Variants in ADAMTS13 observed in about 807,000 individuals in gnomAD.
ADAMTS13 encodes the protein A disintegrin and metalloproteinase with thrombospondin motifs 13.
A neutral mutation model predicts 155.1 loss-of-function variants in ADAMTS13; 110 were observed. The ratio of observed to expected loss-of-function variants is 0.71; its 90% CI spans 0.61 to 0.83. The LOEUF is 0.83. Among genes scored for constraint, ADAMTS13 ranks in the 40% least tolerant of loss-of-function variants. The pLI is 0.00. For missense variants in ADAMTS13, 1,707 were observed against 1,891.7 expected, an observed-to-expected ratio of 0.90 and a Z score of 1.81; for synonymous variants, 758 against 756.4, an observed-to-expected ratio of 1.00 and a Z score of -0.03.
In ADAMTS13 at chr9:133,431,276, C is replaced by A. The variant is rs587700737; in HGVS notation, c.987+1175C>A. Among the ~76,000 whole-genome samples the A allele has an allele frequency of 2.6e-5, 4 of 151,936 alleles. No individual in the cohort carries two copies. In the South Asian group the frequency reaches 8.3e-4, roughly 32 times the overall value. On this transcript the variant is annotated intron_variant, in intron 8 of 28. Coordinates refer to ENST00000355699, the MANE Select transcript of ADAMTS13 (RefSeq NM_139027.6). ...CACCACCCACGCCTGATCAGCAAAT[C>A]TATTAATATTATATATTACAACATT...
In ADAMTS13 at chr9:133,456,351, G is replaced by A. The variant is rs1842742334; in HGVS notation, c.3547+136G>A. The A allele has an allele frequency of 9.6e-6, 14 of 1,457,186 alleles. No homozygotes were observed. The highest frequency in any genetic ancestry group is 1.3e-5 in the Non-Finnish European group (14 of 1,065,312). 90.3% of individuals were successfully genotyped at this position (1,457,186 alleles called of 1,614,324 possible). A position where few individuals can be genotyped will look rare whatever the true frequency, so the allele number is the denominator to read the frequency against. On this transcript the variant is annotated intron_variant, in intron 26 of 28. Coordinates refer to ENST00000355699, the MANE Select transcript of ADAMTS13 (RefSeq NM_139027.6). This position sits in a 1 kb window ranked among gnomAD's most constrained non-coding sequence, Gnocchi z 4.4. ...GTTTGCATCCCATCTCATGACTGGG[G>A]AGTGATGATCTGCATTTTACAGATG...
At chr9:133,428,507 G>C (rs1412491549) in intron 6 of ADAMTS13, 127 bp from the exon 7 acceptor site, 6 of 494,584 alleles carry the variant, frequency 1.2e-5, no homozygotes, top group Non-Finnish European at 1.5e-5. Context: ...GTCGACCCGG[G>C]TCGGAAAACT....
At chr9:133,415,736 T>G (rs587709698) in intron 1 of ADAMTS13, 11 of 152,346 alleles carry the variant, frequency 7.2e-5, no homozygotes, top group African/African-American at 2.6e-4. Context: ...AGTTTCCCTA[T>G]AGCACACATC....
chr9:133,425,358 G>A lies in ADAMTS13; in HGVS notation c.331-171G>A, dbSNP rs1318076850. On this transcript the variant is annotated intron_variant, in intron 3 of 28. Transcript: ENST00000355699. The surrounding 1 kb of genome is among the most constrained non-coding windows in gnomAD (Gnocchi z 4.6). Reference sequence around the variant, plus strand: ...ATGAGCTGAGGAGCAACAGAGGCACGGCTGACTGTGCAGCACATTTTAGGA... The same window carrying A: ...ATGAGCTGAGGAGCAACAGAGGCACAGCTGACTGTGCAGCACATTTTAGGA... Among the ~76,000 whole-genome samples the A allele has an allele frequency of 1.3e-5, 2 of 152,170 alleles. No homozygotes were observed. Among genetic ancestry groups the A allele is most frequent in the South Asian group, 2.1e-4 (1 of 4,826 alleles).
Position 133,443,614 on chromosome 9 carries a change from C to A in ADAMTS13, c.2420+53C>A. The A allele has an allele frequency of 2.0e-6, 3 of 1,475,920 alleles. No homozygotes were observed. In the South Asian group the frequency reaches 3.9e-5, roughly 19 times the overall value. 91.4% of individuals were successfully genotyped at this position (1,475,920 alleles called of 1,614,324 possible). A position where few individuals can be genotyped will look rare whatever the true frequency, so the allele number is the denominator to read the frequency against. On this transcript the variant is annotated intron_variant, in intron 19 of 28. Transcript: ENST00000355699. ...AGAGGGCCTTCCTGGCAGAGCTCGT[C>A]CCTGCGCTGAGCCCCCATCCTTCTG...
Position 133,424,637 on chromosome 9 carries a change from G to A in ADAMTS13, c.330+159G>A, listed in dbSNP as rs951270346. On this transcript the variant is annotated intron_variant, in intron 3 of 28. Coordinates refer to ENST00000355699, the MANE Select transcript of ADAMTS13 (RefSeq NM_139027.6). This position sits in a 1 kb window ranked among gnomAD's most constrained non-coding sequence, Gnocchi z 4.3. The stretch of plus-strand genomic sequence containing the variant: ...TCCCTCCCTCCCCTGGGTGGAGGTG[G>A]GTGAGGTCCCACACCCTCTCTAGGC... 6.6e-6 allele frequency among the ~76,000 whole-genome samples: 1 copy of A among 151,968 alleles called. No individual in the cohort carries two copies. Among genetic ancestry groups the A allele is most frequent in the African/African-American group, 2.4e-5 (1 of 41,324 alleles).
intron 11 of ADAMTS13, among the ~76,000 whole-genome samples, chr9:133,435,222 C>G (rs1554788623): frequency 2.8e-5 from 4 of 144,808 alleles, no homozygotes; most frequent in African/African-American, 1.0e-4. Flanking sequence ...GAGTCTTGCT[C>G]TGTCGCCAGG....
intron 22 of ADAMTS13, among the ~76,000 whole-genome samples, chr9:133,449,547 G>A (rs977893624): frequency 6.6e-5 from 10 of 152,152 alleles, no homozygotes; most frequent in Non-Finnish European, 1.3e-4. Flanking sequence ...TCTGGGATAC[G>A]ACATCTGTCG....
At position 133,424,208 on chromosome 9, in the gene ADAMTS13, A is replaced by G. The variant is rs587759023; in HGVS notation, c.173-113A>G. 8 of 1,531,384 alleles carry G rather than the reference A, an allele frequency of 5.2e-6. No homozygotes were observed. Among genetic ancestry groups the G allele is most frequent in the African/African-American group, 1.4e-5 (1 of 73,630 alleles). The allele number at this position is 1,531,384 out of a possible 1,614,324, so 94.9% of individuals were successfully genotyped here. A position where few individuals can be genotyped will look rare whatever the true frequency, so the allele number is the denominator to read the frequency against. On this transcript the variant is annotated intron_variant, in intron 2 of 28. Coordinates refer to ENST00000355699, the MANE Select transcript of ADAMTS13 (RefSeq NM_139027.6). This position sits in a 1 kb window ranked among gnomAD's most constrained non-coding sequence, Gnocchi z 4.3. ...GCTCTTGGGGTGGGGGTGACACGCA[A>G]TGTCTTGACTTCGGAAGGCCATCCT...
chr9:133,445,069 T>C lies in ADAMTS13; in HGVS notation c.2610+17T>C, dbSNP rs782114946. ...TGGGGCCATGTGAGTGCCCTGGGCATGAGGGTGGCTGGGGCTGTTGAGTCC... is the reference window on the plus strand; with the variant it reads ...TGGGGCCATGTGAGTGCCCTGGGCACGAGGGTGGCTGGGGCTGTTGAGTCC... On this transcript the variant is annotated intron_variant, in intron 20 of 28. Transcript: ENST00000355699. This position sits in a 1 kb window ranked among gnomAD's most constrained non-coding sequence, Gnocchi z 5.0. The C allele has an allele frequency of 6.2e-7, 1 of 1,610,268 alleles. No individual in the cohort carries two copies. The highest frequency in any genetic ancestry group is 1.1e-5 in the South Asian group (1 of 90,736).
At chr9:133,431,774 C>T (rs1015931930) in intron 8 of ADAMTS13, among the ~76,000 whole-genome samples, 10 of 152,194 alleles carry the variant, frequency 6.6e-5, no homozygotes, top group African/African-American at 2.4e-4. Context: ...CCTGCATCAG[C>T]CTCCCGAATA....
In ADAMTS13 at chr9:133,428,763, C is replaced by A. The variant is rs1344972182; in HGVS notation, c.816C>A (p.Ser272Arg). ...CCTGCAGCCGCCGGCAGCTGCTGAG[C>A]CTGCTCAGGTAGCGGCCGCCCCGTG... ...WSPCSRRQLLSLLSAGRARCV... is the reference protein window; with the variant it reads ...WSPCSRRQLLRLLSAGRARCV... Residue 272 changes from serine (S) to arginine (R), a missense_variant, in exon 7 of 29, where the codon AGC becomes AGA. Coordinates refer to ENST00000355699, the MANE Select transcript of ADAMTS13 (RefSeq NM_139027.6). 12 of 1,347,736 alleles carry A rather than the reference C, an allele frequency of 8.9e-6. No individual in the cohort carries two copies. Among genetic ancestry groups the A allele is most frequent in the African/African-American group, 3.0e-5 (2 of 65,618 alleles). The allele number at this position is 1,347,736 out of a possible 1,614,324, so 83.5% of individuals were successfully genotyped here. A position where few individuals can be genotyped will look rare whatever the true frequency, so the allele number is the denominator to read the frequency against.
intron 6 of ADAMTS13, among the ~76,000 whole-genome samples, chr9:133,426,677 C>A (rs587713141): frequency 1.5e-4 from 23 of 152,178 alleles, no homozygotes; most frequent in African/African-American, 5.3e-4. Flanking sequence ...TAATTTCAGT[C>A]TTTTCTTTAC....
chr9:133,423,682 G>A (rs931780041), intron 2 of ADAMTS13, among the ~76,000 whole-genome samples: 2 of 152,228 alleles, frequency 1.3e-5, no homozygotes, highest in African/African-American at 4.8e-5. Context: ...GGGGGCCAGA[G>A]GCAGGTGGGC....
chr9:133,449,752 G>T, intron 22 of ADAMTS13, 31 bp from the exon 23 acceptor site: 1 of 1,612,872 alleles, frequency 6.2e-7, no homozygotes. Flanking sequence ...CCCTGGGGCT[G>T]TTTGGGGTCC....
chr9:133,449,423 G>A (rs1476385801), intron 22 of ADAMTS13, among the ~76,000 whole-genome samples: 5 of 151,906 alleles, frequency 3.3e-5, no homozygotes, highest in Admixed American at 6.6e-5. Context: ...CAAACACAGC[G>A]GGAGGGGAGG....
At chr9:133,414,838 AG>A (rs1839472320) in intron 1 of ADAMTS13, 1 of 1,614,038 alleles carries the variant, frequency 6.2e-7, no homozygotes, top group South Asian at 1.1e-5. Context: ...TGGAACCTGA[AG>A]GAACAGAGCC....
chr9:133,435,558 C>G (rs1202709204), intron 11 of ADAMTS13, among the ~76,000 whole-genome samples: 1 of 144,498 alleles, frequency 6.9e-6, no homozygotes, highest in South Asian at 2.2e-4. Flanking sequence ...GAGATGGAGT[C>G]TCGCTCTGTC....
Position 133,426,239 on chromosome 9 carries a change from G to T in ADAMTS13, c.580G>T (p.Gly194Cys). Residue 194 changes from glycine (G) to cysteine (C), a missense_variant, in exon 6 of 29, where the codon GGC becomes TGC. Physicochemically the swap from Gly to Cys is radical, Grantham distance 159 (BLOSUM62 -3). Transcript: ENST00000355699. Reference protein sequence around the residue: ...ELPDGNRQVRGVTQLGGACSP... With the variant: ...ELPDGNRQVRCVTQLGGACSP... ...GCCTGATGGTAACCGGCAGGTGCGGGGCGTCACCCAGCTGGGCGGTGCCTG... is the reference window on the plus strand; with the variant it reads ...GCCTGATGGTAACCGGCAGGTGCGGTGCGTCACCCAGCTGGGCGGTGCCTG... The T allele has an allele frequency of 6.2e-7, 1 of 1,613,466 alleles. No homozygotes were observed.
Sources: allele counts gnomAD v4.1 joint callset (sites outside exome capture counted in the v4.1 genomes callset), GRCh38; gene constraint gnomAD v4.1.1; non-coding constraint Gnocchi (gnomAD v3.1); transcripts MANE v1.5; gene names NCBI Gene and HGNC (gene_info 2026-07-23, HGNC 2026-07-21).